The following PFKFB2 variants were observed in gnomAD, a reference collection of about 807,000 sequenced individuals.
PFKFB2 encodes the protein 6-phosphofructo-2-kinase/fructose-2,6-biphosphatase 2.
Under a neutral mutation model 68.0 loss-of-function variants are expected in PFKFB2, and 53 were observed. The observed-to-expected ratio is 0.78, with a 90% confidence interval of 0.63 to 0.98. The LOEUF (loss-of-function observed/expected upper bound fraction) is 0.98, where lower values mean the gene tolerates loss of function less well. Among genes scored for constraint, PFKFB2 ranks in the 50% least tolerant of loss-of-function variants. The pLI is 0.00. For synonymous variants in PFKFB2, 222 were observed against 227.6 expected (o/e 0.98, Z 0.22); for missense variants, 451 against 642.0 (o/e 0.70, Z 3.22).
upstream of PFKFB2, chr1:207,049,698 G>T (rs776563979): frequency 3.7e-6 from 6 of 1,613,898 alleles, no homozygotes; most frequent in Admixed American, 1.7e-5. Context: ...GCCTGGTTTG[G>T]TCTTCTTCAA....
rs1463584170 is a variant in PFKFB2 at position 207,063,445 on chromosome 1, G to A, written c.450+24G>A. 3 of 1,551,252 alleles carry A rather than the reference G, an allele frequency of 1.9e-6. No homozygotes were observed. The highest frequency in any genetic ancestry group is 3.4e-5 in the Admixed American group (2 of 58,812). On this transcript the variant is annotated intron_variant, in intron 6 of 14. Coordinates refer to ENST00000367080, the MANE Select transcript of PFKFB2 (RefSeq NM_006212.2). This position sits in a 1 kb window ranked among gnomAD's most constrained non-coding sequence, Gnocchi z 4.1. The stretch of plus-strand genomic sequence containing the variant: ...AGGTAGGATCTGACTCCATGTTGGA[G>A]GAAAAGGGATGAGTAGAGGTGGGGA...
chr1:207,068,395 T>C, intron 10 of PFKFB2, 86 bp downstream of exon 10: 2 of 1,178,008 alleles, frequency 1.7e-6, no homozygotes, highest in Admixed American at 2.8e-5. Flanking sequence ...CAGTTTTATC[T>C]AGGAAACTAC....
chr1:207,053,924 T>G (rs1682835110), intron 1 of PFKFB2, among the ~76,000 whole-genome samples: 1 of 110,570 alleles, frequency 9.0e-6, no homozygotes, highest in African/African-American at 3.4e-5. Context: ...TTTTTTTTTT[T>G]GACAGAGTCT....
In PFKFB2 at chr1:207,062,023, C is replaced by G. The variant is rs1572723695; in HGVS notation, c.156C>G (p.Thr52=). The change falls in exon 3 of 15, where the codon ACC becomes ACG. Residue 52 remains threonine (T), a synonymous_variant. Coordinates refer to ENST00000367080, the MANE Select transcript of PFKFB2 (RefSeq NM_006212.2). ...VMIGLPARGK[T]YVSKKLTRYL... ...TTGGTTTGCCAGCCCGGGGTAAAAC[C>G]TACGTGTCCAAGAAACTAACACGCT... 5 of 1,614,212 alleles carry G rather than the reference C, an allele frequency of 3.1e-6. No homozygotes were observed. Among genetic ancestry groups the G allele is most frequent in the Non-Finnish European group, 4.2e-6 (5 of 1,180,016 alleles).
chr1:207,047,457 G>T (rs1363018499), intron 2 of PFKFB2: 1 of 152,570 alleles, frequency 6.6e-6, no homozygotes, highest in Non-Finnish European at 1.5e-5. Context: ...TTGCTAGGCA[G>T]ATATGCTGAA....
upstream of PFKFB2, among the ~76,000 whole-genome samples, chr1:207,051,491 T>A (rs541211563): frequency 2.0e-5 from 3 of 152,272 alleles, no homozygotes; most frequent in African/African-American, 7.2e-5. Flanking sequence ...CTCATTGGGG[T>A]TCCAGGGGCC....
In PFKFB2 at chr1:207,075,826, G is replaced by A. The variant is rs1683607609; in HGVS notation, c.*3455G>A. 1.0e-6 allele frequency: 1 copy of A among 984,004 alleles called. No individual in the cohort carries two copies. Among genetic ancestry groups the A allele is most frequent in the Non-Finnish European group, 1.2e-6 (1 of 828,590 alleles). 61.0% of individuals were successfully genotyped at this position (984,004 alleles called of 1,614,324 possible). A position where few individuals can be genotyped will look rare whatever the true frequency, so the allele number is the denominator to read the frequency against. On this transcript the variant is annotated 3_prime_UTR_variant, in exon 15 of 15. Coordinates refer to ENST00000367080, the MANE Select transcript of PFKFB2 (RefSeq NM_006212.2). ...TTTCTTATTCTTGCTTCAAGACTAT[G>A]ACAGATTTGAAAGAGAATTCTAAAG...
At chr1:207,062,520 TCATCCCC>T in intron 3 of PFKFB2, 93 bp from the exon 4 acceptor site, 1 of 1,530,900 alleles carries the variant, frequency 6.5e-7, no homozygotes, top group Non-Finnish European at 8.8e-7. Flanking sequence ...GCCGCTTTTT[TCATCCCC>T]TTGGTCACTC....
rs529647665 is a variant in PFKFB2, at chr1:207,057,005, G to A, written c.85+2203G>A. Among the ~76,000 whole-genome samples, 5 of 152,214 alleles carry A rather than the reference G, an allele frequency of 3.3e-5. No homozygotes were observed. The South Asian group carries it at 1.0e-3, about 32-fold the overall frequency. On this transcript the variant is annotated intron_variant, in intron 2 of 14. Transcript: ENST00000367080. The stretch of plus-strand genomic sequence containing the variant: ...ACTCCGGGAAGTGACTGGGCTTGAG[G>A]ATTTCAGGGCTGAAGAATGACTTTA...
At chr1:207,079,294 T>C (rs1683706846), downstream of PFKFB2, 2 of 535,992 alleles carry the variant, frequency 3.7e-6, no homozygotes, top group Non-Finnish European at 6.7e-6. Flanking sequence ...TTGGTCCAAG[T>C]TGGTCAATCT....
At chr1:207,068,130 T>C in intron 9 of PFKFB2, 33 bp from the exon 10 acceptor site, 1 of 1,323,604 alleles carries the variant, frequency 7.6e-7, no homozygotes, top group Non-Finnish European at 1.0e-6. Flanking sequence ...GTGTGTTTTC[T>C]TTTTACCCTT....
At position 207,074,331 on chromosome 1, in the gene PFKFB2, G is replaced by T. The variant is rs537063959; in HGVS notation, c.*1960G>T. 876 of 985,262 alleles carry T rather than the reference G, an allele frequency of 8.9e-4. 1 individual carries two copies. Among genetic ancestry groups the T allele is most frequent in the Non-Finnish European group, 1.0e-3 (844 of 829,918 alleles). 61.0% of individuals were successfully genotyped at this position (985,262 alleles called of 1,614,324 possible). ...AATGATATAACCCCCTGGAAGGCAGGCTGCTGTGTTTTAGAGGGTTATTCT... is the reference window on the plus strand; with the variant it reads ...AATGATATAACCCCCTGGAAGGCAGTCTGCTGTGTTTTAGAGGGTTATTCT... On this transcript the variant is annotated 3_prime_UTR_variant, in exon 15 of 15. Transcript: ENST00000367080.
At chr1:207,049,517 G>A (rs772683929), upstream of PFKFB2, 6 of 1,614,082 alleles carry the variant, frequency 3.7e-6, no homozygotes, top group Admixed American at 1.7e-5. Context: ...GCTATGAGGC[G>A]TCTCATCTCA....
In PFKFB2 at chr1:207,076,432, A is replaced by G; in HGVS notation, c.*4061A>G. On this transcript the variant is annotated 3_prime_UTR_variant, in exon 15 of 15. Transcript: ENST00000367080. ...CAGAAGCCATGTTGTGTTCATTGTT[A>G]AGAAATTTGATAGATTTACCCAGCT... The G allele has an allele frequency of 1.0e-6, 1 of 985,224 alleles. No homozygotes were observed. The highest frequency in any genetic ancestry group is 1.7e-5 in the African/African-American group (1 of 57,320). The allele number at this position is 985,224 out of a possible 1,614,324, so 61.0% of individuals were successfully genotyped here.
chr1:207,074,263 G>A lies in PFKFB2; in HGVS notation c.*1892G>A, dbSNP rs1291239114. On this transcript the variant is annotated 3_prime_UTR_variant, in exon 15 of 15. Coordinates refer to ENST00000367080, the MANE Select transcript of PFKFB2 (RefSeq NM_006212.2). ...TTCTGAATTCCTCATAGTCCTGAAA[G>A]GACAGTTCTTTGGGTTTGATGTTTG... 1.0e-6 allele frequency: 1 copy of A among 985,186 alleles called. No individual in the cohort carries two copies. The allele number at this position is 985,186 out of a possible 1,614,324, so 61.0% of individuals were successfully genotyped here. A position where few individuals can be genotyped will look rare whatever the true frequency, so the allele number is the denominator to read the frequency against.
Position 207,065,364 on chromosome 1 carries a change from G to A in PFKFB2, c.632+204G>A, listed in dbSNP as rs1207452029. 5.2e-6 allele frequency: 5 copies of A among 955,212 alleles called. No individual in the cohort carries two copies. In the African/African-American group the frequency reaches 8.8e-5, roughly 17 times the overall value. The allele number at this position is 955,212 out of a possible 1,614,324, so 59.2% of individuals were successfully genotyped here. On this transcript the variant is annotated intron_variant, in intron 8 of 14. Transcript: ENST00000367080. The stretch of plus-strand genomic sequence containing the variant: ...AAATTGAAGTGGTTGGTTTTGTTTT[G>A]TTTTGAGACAGGGTCTCACTCTGTC...
chr1:207,057,341 G>A (rs1192944161), intron 2 of PFKFB2, among the ~76,000 whole-genome samples: 1 of 146,394 alleles, frequency 6.8e-6, no homozygotes, highest in South Asian at 2.2e-4. Context: ...AGCCGGGCAT[G>A]GTGGCGGGCG....
chr1:207,078,791 A>C (rs971434706), downstream of PFKFB2, among the ~76,000 whole-genome samples: 6 of 152,180 alleles, frequency 3.9e-5, no homozygotes, highest in African/African-American at 1.2e-4. Flanking sequence ...CGGGTAGTCA[A>C]GGTGTGTGTG....
chr1:207,078,997 C>T (rs772479545), downstream of PFKFB2: 33 of 1,611,710 alleles, frequency 2.0e-5, no homozygotes, highest in African/African-American at 5.3e-5. Context: ...CCCTCCGCAG[C>T]GTCCCTCATG....
Sources: gnomAD v4.1 joint callset for allele counts (sites outside exome capture counted in the v4.1 genomes callset) on GRCh38, gnomAD v4.1.1 for gene constraint, Gnocchi (gnomAD v3.1) non-coding constraint, MANE v1.5 for transcripts, NCBI Gene and HGNC (gene_info 2026-07-23, HGNC 2026-07-21) for gene names.